The following COG5 variants were observed in gnomAD, a reference collection of about 807,000 sequenced individuals.
The protein encoded by COG5 is conserved oligomeric Golgi complex subunit 5.
A neutral mutation model predicts 110.4 loss-of-function variants in COG5; 86 were observed. The ratio of observed to expected loss-of-function variants is 0.78; its 90% CI spans 0.65 to 0.93. The LOEUF (loss-of-function observed/expected upper bound fraction) is 0.93. COG5 is among the 40% of genes least tolerant of loss of function. COG5 has a pLI of 0.00. For synonymous variants in COG5, 360 were observed against 334.6 expected (o/e 1.08, Z -0.83); for missense variants, 1,077 against 987.0 (o/e 1.09, Z -1.22).
rs538924955 is a variant in COG5 at position 107,549,910 on chromosome 7, T to TAC, written c.293-1580_293-1579dup. Among the ~76,000 whole-genome samples the TAC allele has an allele frequency of 1.9e-3, 286 of 152,158 alleles. 1 individual carries two copies. Among genetic ancestry groups the TAC allele is most frequent in the African/African-American group, 6.2e-3 (259 of 41,510 alleles). Reference sequence around the variant, plus strand: ...TCTGTTCAATAAAATACTGATTTTATACACACACACACATATACAGACGTA... The same window carrying TAC: ...TCTGTTCAATAAAATACTGATTTTATACACACACACACACATATACAGACGTA... On this transcript the variant is annotated intron_variant, in intron 3 of 21. Coordinates refer to ENST00000297135, the MANE Select transcript of COG5 (RefSeq NM_006348.5).
At chr7:107,335,793 C>T (rs1810649886) in intron 10 of COG5, among the ~76,000 whole-genome samples, 2 of 152,040 alleles carry the variant, frequency 1.3e-5, no homozygotes, top group Non-Finnish European at 2.9e-5. Flanking sequence ...TTCTATGCAA[C>T]TGGAAACCAA....
At chr7:107,284,310 A>G (rs551538721) in intron 12 of COG5, among the ~76,000 whole-genome samples, 2 of 152,316 alleles carry the variant, frequency 1.3e-5, no homozygotes, top group South Asian at 4.1e-4. Flanking sequence ...CTGTTTCCTT[A>G]AACTAAAAGA....
At chr7:107,492,583 C>T (rs1195493111) in intron 6 of COG5, among the ~76,000 whole-genome samples, 1 of 152,098 alleles carries the variant, frequency 6.6e-6, no homozygotes, top group Non-Finnish European at 1.5e-5. Context: ...AGGCTATCAG[C>T]TGAGGACAGT....
chr7:107,492,684 T>C (rs1311277772), intron 6 of COG5, among the ~76,000 whole-genome samples: 1 of 152,180 alleles, frequency 6.6e-6, no homozygotes, highest in Admixed American at 6.6e-5. Flanking sequence ...GTACTTCTCA[T>C]GCTTCAAATC....
chr7:107,563,551 G>T (rs867424408), intron 1 of COG5: 6,304 of 498,168 alleles, frequency 0.013, 485 homozygotes, highest in African/African-American at 0.1. Context: ...GCATGGGGGG[G>T]GGGGGGGTCG....
intron 6 of COG5, among the ~76,000 whole-genome samples, chr7:107,505,888 G>C (rs1335846148): frequency 6.6e-6 from 1 of 152,174 alleles, no homozygotes; most frequent in African/African-American, 2.4e-5. Flanking sequence ...CATACTCTAG[G>C]CTGCTGCTTG....
chr7:107,538,257 C>A (rs1801733628), intron 5 of COG5, among the ~76,000 whole-genome samples: 1 of 152,214 alleles, frequency 6.6e-6, no homozygotes, highest in Non-Finnish European at 1.5e-5. Context: ...AGCTTTTTCA[C>A]ATGCTATGCA....
chr7:107,528,769 A>T (rs192349602), intron 5 of COG5, among the ~76,000 whole-genome samples: 2 of 152,130 alleles, frequency 1.3e-5, no homozygotes, highest in Non-Finnish European at 2.9e-5. Flanking sequence ...TGGCAATAAG[A>T]ATTAAAAGCT....
At chr7:107,477,145 T>G (rs927138275) in intron 6 of COG5, among the ~76,000 whole-genome samples, 2 of 151,566 alleles carry the variant, frequency 1.3e-5, no homozygotes, top group Admixed American at 1.3e-4. Flanking sequence ...TTAAGAAAAT[T>G]TTCGTTTAGT....
At chr7:107,256,100 A>G (rs1377136557) in intron 16 of COG5, among the ~76,000 whole-genome samples, 1 of 152,184 alleles carries the variant, frequency 6.6e-6, no homozygotes, top group Non-Finnish European at 1.5e-5. Flanking sequence ...TATGGCTCTG[A>G]ATCTCATACC....
At chr7:107,514,289 C>G (rs1301873154) in intron 6 of COG5, among the ~76,000 whole-genome samples, 1 of 150,480 alleles carries the variant, frequency 6.6e-6, no homozygotes, top group Non-Finnish European at 1.5e-5. Context: ...ACCCACAATC[C>G]TAACATAAAA....
chr7:107,231,548 A>C (rs1696144763), intron 18 of COG5, among the ~76,000 whole-genome samples: 1 of 152,200 alleles, frequency 6.6e-6, no homozygotes, highest in Admixed American at 6.5e-5. Context: ...CTCTTGCTAT[A>C]AATAGCGCCC....
In COG5 at chr7:107,365,596, CAAAAAAAAAAAAA is replaced by C. The variant is rs71134263; in HGVS notation, c.836-3189_836-3177del. Reference sequence around the variant, plus strand: ...GGGAATGTTCAACATTGCAAAATGACAAAAAAAAAAAAAAAAAAAAAAAAAAGAAAAGCTGAAG... The same window carrying C: ...GGGAATGTTCAACATTGCAAAATGACAAAAAAAAAAAAAGAAAAGCTGAAG... On this transcript the variant is annotated intron_variant, in intron 8 of 21. Coordinates refer to ENST00000297135, the MANE Select transcript of COG5 (RefSeq NM_006348.5). 2.8e-3 allele frequency among the ~76,000 whole-genome samples: 102 copies of C among 36,706 alleles called. 2 individuals are homozygous for C. The highest frequency in any genetic ancestry group is 3.0e-3 in the Admixed American group (7 of 2,296). The allele number at this position is 36,706 out of a possible 152,430, so 24.1% of individuals were successfully genotyped here.
intron 7 of COG5, among the ~76,000 whole-genome samples, chr7:107,396,830 A>T (rs1001920036): frequency 1.3e-5 from 2 of 152,180 alleles, no homozygotes; most frequent in African/African-American, 2.4e-5. Context: ...TATTAAAAGG[A>T]AACTATTGAA....
At chr7:107,563,686 G>T in intron 1 of COG5, 117 bp downstream of exon 1, 3 of 1,190,316 alleles carry the variant, frequency 2.5e-6, no homozygotes, top group Non-Finnish European at 3.7e-6. Context: ...GAGGGGAGTG[G>T]TCACGTCCAG....
At chr7:107,324,695 A>G (rs943940385) in intron 10 of COG5, among the ~76,000 whole-genome samples, 174 bp from the exon 11 acceptor site, 27 of 152,178 alleles carry the variant, frequency 1.8e-4, no homozygotes, top group Non-Finnish European at 4.4e-5. Context: ...GATGATTCAA[A>G]TTATGTCTTA....
intron 11 of COG5, among the ~76,000 whole-genome samples, chr7:107,318,781 A>C (rs12532849): frequency 0.16 from 24,697 of 152,198 alleles, 2,383 homozygotes; most frequent in Non-Finnish European, 0.22. Flanking sequence ...CCTCATTTAA[A>C]CTTAATTGCT....
At chr7:107,422,205 C>T (rs1311414867) in intron 6 of COG5, among the ~76,000 whole-genome samples, 2 of 152,008 alleles carry the variant, frequency 1.3e-5, no homozygotes, top group African/African-American at 4.8e-5. Context: ...GTAATACCAA[C>T]GAAGAGGAAA....
intron 11 of COG5, among the ~76,000 whole-genome samples, chr7:107,305,282 T>A (rs1322357040): frequency 6.6e-6 from 1 of 152,206 alleles, no homozygotes; most frequent in Non-Finnish European, 1.5e-5. Context: ...TCAGCCTTCA[T>A]AGCTTAATTA....
Sources: allele counts gnomAD v4.1 joint callset (sites outside exome capture counted in the v4.1 genomes callset), GRCh38; gene constraint gnomAD v4.1.1; transcripts MANE v1.5; gene names NCBI Gene and HGNC (gene_info 2026-07-23, HGNC 2026-07-21).